Variants in CNOT3 observed in about 807,000 individuals in gnomAD.
CNOT3 encodes CCR4-associated factor 3.
CNOT3 carries 2 observed loss-of-function variants against 89.4 expected under a neutral mutation model. The ratio of observed to expected loss-of-function variants is 0.02; its 90% CI spans 0.01 to 0.07. The LOEUF is 0.07. Among genes scored for constraint, CNOT3 ranks in the 10% least tolerant of loss-of-function variants. CNOT3 has a pLI of 1.00. For synonymous variants in CNOT3, 486 were observed against 402.0 expected (o/e 1.21, Z -2.50); for missense variants, 664 against 1,010.2 (o/e 0.66, Z 4.65).
At chr19:54,140,425 G>C (rs1224407167) in intron 1 of CNOT3, among the ~76,000 whole-genome samples, 1 of 152,108 alleles carries the variant, frequency 6.6e-6, no homozygotes, top group African/African-American at 2.4e-5. Context: ...ACCTTCCTTG[G>C]AGGATCTTGG....
chr19:54,143,711 A>G lies in CNOT3; in HGVS notation c.220A>G (p.Lys74Glu). The change falls in exon 5 of 18, where the codon AAG (lysine) becomes GAG (glutamate). Residue 74 changes from lysine to glutamate, a missense_variant. Lys to Glu is a moderately conservative substitution (Grantham distance 56, BLOSUM62 1). Coordinates refer to ENST00000221232, the MANE Select transcript of CNOT3 (RefSeq NM_014516.4). ...TWVASNEIKD[K>E]RQLIDNRKLI... ...GGTAGCGTCCAACGAGATCAAGGACAAGAGGCAGCTTATAGACAACCGCAA... is the reference window on the plus strand; with the variant it reads ...GGTAGCGTCCAACGAGATCAAGGACGAGAGGCAGCTTATAGACAACCGCAA... The G allele has an allele frequency of 6.2e-7, 1 of 1,614,000 alleles. No homozygotes were observed.
intron 16 of CNOT3, 24 bp from the exon 17 acceptor site, chr19:54,153,691 C>A (rs1325574139): frequency 1.2e-6 from 2 of 1,610,218 alleles, no homozygotes; most frequent in East Asian, 4.5e-5. Flanking sequence ...CCCCTGATCC[C>A]CCTCTCCACT....
At position 54,155,478 on chromosome 19, in the gene CNOT3, C is replaced by A; in HGVS notation, c.*71C>A. On this transcript the variant is annotated 3_prime_UTR_variant, in exon 18 of 18. Coordinates refer to ENST00000221232, the MANE Select transcript of CNOT3 (RefSeq NM_014516.4). ...CCCCTGCCCAGGTGAGGGCCCTGCCCTGGAAGACTGGAGGGAGGCCCCAAG... is the reference window on the plus strand; with the variant it reads ...CCCCTGCCCAGGTGAGGGCCCTGCCATGGAAGACTGGAGGGAGGCCCCAAG... 1 of 1,096,722 alleles carries A rather than the reference C, an allele frequency of 9.1e-7. No individual in the cohort carries two copies. 67.9% of individuals were successfully genotyped at this position (1,096,722 alleles called of 1,614,324 possible). A position where few individuals can be genotyped will look rare whatever the true frequency, so the allele number is the denominator to read the frequency against.
In CNOT3 at chr19:54,144,593, G is replaced by A. The variant is rs907076180; in HGVS notation, c.483+261G>A. ...CCGTGGGGCCTTTGTGAAGAGGAGC[G>A]ACTTGGGGGAAGGTGAGTGCAGGTT... On this transcript the variant is annotated intron_variant, in intron 7 of 17. Coordinates refer to ENST00000221232, the MANE Select transcript of CNOT3 (RefSeq NM_014516.4). This position sits in a 1 kb window ranked among gnomAD's most constrained non-coding sequence, Gnocchi z 4.8. Among the ~76,000 whole-genome samples, 1 of 152,156 alleles carries A rather than the reference G, an allele frequency of 6.6e-6. No individual in the cohort carries two copies. Among genetic ancestry groups the A allele is most frequent in the East Asian group, 1.9e-4 (1 of 5,186 alleles).
At position 54,144,207 on chromosome 19, in the gene CNOT3, A is replaced by G; in HGVS notation, c.388-30A>G. ...CTGGGTGTAGGCGGAACCCTAGCTG[A>G]TGGGCTTCCTCTTCCTCTCCCTCCC... On this transcript the variant is annotated intron_variant, in intron 6 of 17. Transcript: ENST00000221232. The surrounding 1 kb of genome is among the most constrained non-coding windows in gnomAD (Gnocchi z 4.8). 2 of 1,611,968 alleles carry G rather than the reference A, an allele frequency of 1.2e-6. No individual in the cohort carries two copies. The highest frequency in any genetic ancestry group is 8.5e-7 in the Non-Finnish European group (1 of 1,179,318).
rs2074559984 is a variant in CNOT3, at chr19:54,144,022, A to G, written c.275A>G (p.Lys92Arg). 6.3e-7 allele frequency: 1 copy of G among 1,596,094 alleles called. No individual in the cohort carries two copies. Among genetic ancestry groups the G allele is most frequent in the African/African-American group, 1.4e-5 (1 of 73,374 alleles). ...KLIETQMERF[K>R]VVERETKTKA... Reference sequence around the variant, plus strand: ...TCTCTACAGCAAATGGAACGGTTCAAAGTTGTGGAACGAGAGACCAAAACC... The same window carrying G: ...TCTCTACAGCAAATGGAACGGTTCAGAGTTGTGGAACGAGAGACCAAAACC... The change falls in exon 6 of 18, where the codon AAA (lysine) becomes AGA (arginine). Residue 92 changes from lysine (K) to arginine (R), a missense_variant. Physicochemically the swap from Lys to Arg is conservative, Grantham distance 26. This residue lies in a region of CNOT3 where 27 missense variants were observed against 158.2 expected (regional missense o/e 0.17). Coordinates refer to ENST00000221232, the MANE Select transcript of CNOT3 (RefSeq NM_014516.4). The surrounding 1 kb of genome is among the most constrained non-coding windows in gnomAD (Gnocchi z 4.8).
intron 16 of CNOT3, 183 bp from the exon 17 acceptor site, chr19:54,153,532 T>C (rs1323133867): frequency 1.3e-6 from 1 of 778,930 alleles, no homozygotes; most frequent in East Asian, 2.4e-5. Flanking sequence ...CTGTCTCATT[T>C]TCCTTCTCCT....
chr19:54,146,831 G>A (rs79832574), intron 10 of CNOT3, among the ~76,000 whole-genome samples, 174 bp downstream of exon 10: 308 of 152,348 alleles, frequency 2.0e-3, no homozygotes, highest in African/African-American at 7.0e-3. Context: ...GACTGGTGCT[G>A]TGGTCAAGGG....
At position 54,145,720 on chromosome 19, in the gene CNOT3, G is replaced by A. The variant is rs952488775; in HGVS notation, c.606G>A (p.Lys202=). ...NDSILVDAIR[K]IKDDVEYYVD... ...CCATCCTCGTTGACGCCATCCGCAA[G>A]ATCAAGGACGACGTTGAGTACTATG... The change falls in exon 8 of 18, where the codon AAG becomes AAA. Residue 202 remains lysine (K), a synonymous_variant. Transcript: ENST00000221232. This position sits in a 1 kb window ranked among gnomAD's most constrained non-coding sequence, Gnocchi z 5.9. The A allele has an allele frequency of 6.2e-6, 10 of 1,613,446 alleles. No individual in the cohort carries two copies. The highest frequency in any genetic ancestry group is 8.5e-6 in the Non-Finnish European group (10 of 1,179,360).
In CNOT3 at chr19:54,144,206, G is replaced by A. The variant is rs1465371041; in HGVS notation, c.388-31G>A. Reference sequence around the variant, plus strand: ...CCTGGGTGTAGGCGGAACCCTAGCTGATGGGCTTCCTCTTCCTCTCCCTCC... The same window carrying A: ...CCTGGGTGTAGGCGGAACCCTAGCTAATGGGCTTCCTCTTCCTCTCCCTCC... On this transcript the variant is annotated intron_variant, in intron 6 of 17. Coordinates refer to ENST00000221232, the MANE Select transcript of CNOT3 (RefSeq NM_014516.4). This position sits in a 1 kb window ranked among gnomAD's most constrained non-coding sequence, Gnocchi z 4.8. 1 of 1,612,616 alleles carries A rather than the reference G, an allele frequency of 6.2e-7. No individual in the cohort carries two copies. Among genetic ancestry groups the A allele is most frequent in the Non-Finnish European group, 8.5e-7 (1 of 1,179,612 alleles).
At position 54,155,475 on chromosome 19, in the gene CNOT3, G is replaced by A. The variant is rs2075356911; in HGVS notation, c.*68G>A. ...ATCCCCCTGCCCAGGTGAGGGCCCT[G>A]CCCTGGAAGACTGGAGGGAGGCCCC... On this transcript the variant is annotated 3_prime_UTR_variant, in exon 18 of 18. Coordinates refer to ENST00000221232, the MANE Select transcript of CNOT3 (RefSeq NM_014516.4). The A allele has an allele frequency of 8.9e-7, 1 of 1,124,460 alleles. No individual in the cohort carries two copies. Among genetic ancestry groups the A allele is most frequent in the Non-Finnish European group, 1.3e-6 (1 of 781,142 alleles). 69.7% of individuals were successfully genotyped at this position (1,124,460 alleles called of 1,614,324 possible).
chr19:54,140,212 G>A (rs932489337), intron 1 of CNOT3, among the ~76,000 whole-genome samples: 1 of 152,238 alleles, frequency 6.6e-6, no homozygotes, highest in South Asian at 2.1e-4. Context: ...TGATTTTAGC[G>A]TGTTGGCTCC....
In CNOT3 at chr19:54,146,664, G is replaced by A. The variant is rs750176011; in HGVS notation, c.894+7G>A. On this transcript the variant is annotated splice_region_variant and intron_variant, in intron 10 of 17. Transcript: ENST00000221232. ...AGACAGTGAAGTCAGCCAGGTGGGT[G>A]TGAGCCTGGACCGGGTGGGCACGCC... is the stretch of plus-strand genomic sequence containing the variant. The A allele has an allele frequency of 2.0e-6, 3 of 1,503,746 alleles. No individual in the cohort carries two copies. The highest frequency in any genetic ancestry group is 2.8e-6 in the Non-Finnish European group (3 of 1,079,246). 93.2% of individuals were successfully genotyped at this position (1,503,746 alleles called of 1,614,324 possible). A position where few individuals can be genotyped will look rare whatever the true frequency, so the allele number is the denominator to read the frequency against.
intron 17 of CNOT3, chr19:54,154,943 G>T: frequency 4.2e-6 from 1 of 237,394 alleles, no homozygotes; most frequent in Non-Finnish European, 8.2e-6. Flanking sequence ...CCACTGCCTC[G>T]AGGTCTTTGT....
rs187281282 is a variant in CNOT3 at position 54,148,564 on chromosome 19, C to T, written c.1282+29C>T. The T allele has an allele frequency of 2.6e-4, 309 of 1,206,016 alleles. 1 individual carries two copies. In the African/African-American group the frequency reaches 3.5e-3, roughly 14 times the overall value. 74.7% of individuals were successfully genotyped at this position (1,206,016 alleles called of 1,614,324 possible). A position where few individuals can be genotyped will look rare whatever the true frequency, so the allele number is the denominator to read the frequency against. ...AGTGAGGAGGCAGCGGGGTGGGGGG[C>T]GTGGGCGGGGCTGGGCAGCAGGCAG... On this transcript the variant is annotated intron_variant, in intron 11 of 17. Coordinates refer to ENST00000221232, the MANE Select transcript of CNOT3 (RefSeq NM_014516.4). This position sits in a 1 kb window ranked among gnomAD's most constrained non-coding sequence, Gnocchi z 6.3.
chr19:54,142,451 C>CACACACACACACACAT (rs71195730), intron 1 of CNOT3: 1 of 239,728 alleles, frequency 4.2e-6, no homozygotes, highest in Non-Finnish European at 8.3e-6. Flanking sequence ...CACACACACA[C>CACACACACACACACAT]GCCCTTCTCT....
Position 54,148,317 on chromosome 19 carries a change from C to T in CNOT3, c.1064C>T (p.Pro355Leu), listed in dbSNP as rs587696346. 1.4e-5 allele frequency: 22 copies of T among 1,604,322 alleles called. No homozygotes were observed. In the East Asian group the frequency reaches 3.8e-4, roughly 28 times the overall value. The change falls in exon 11 of 18, where the codon CCC becomes CTC. Residue 355 changes from proline to leucine, a missense_variant. Around this residue, in one of 8 missense-constraint regions of CNOT3, gnomAD observed 545 missense variants for 566.2 expected, o/e 0.96. Coordinates refer to ENST00000221232, the MANE Select transcript of CNOT3 (RefSeq NM_014516.4). This position sits in a 1 kb window ranked among gnomAD's most constrained non-coding sequence, Gnocchi z 6.3. ...GCAGCACCCCCAAGTGCCCTGGGCCCCAAGGCCAGTCCAGCTCCCAGCCAC... is the reference window on the plus strand; with the variant it reads ...GCAGCACCCCCAAGTGCCCTGGGCCTCAAGGCCAGTCCAGCTCCCAGCCAC... ...APAAPPSALG[P>L]KASPAPSHNS...
chr19:54,142,639 G>T (rs2074498698), intron 1 of CNOT3: 1 of 508,012 alleles, frequency 2.0e-6, no homozygotes, highest in Non-Finnish European at 3.6e-6. Context: ...GTGTATTCTG[G>T]GGAGAAGGTA....
chr19:54,152,725 G>C (rs1338094918), intron 15 of CNOT3, 99 bp downstream of exon 15: 1 of 1,107,048 alleles, frequency 9.0e-7, no homozygotes, highest in Non-Finnish European at 1.4e-6. Context: ...CCAGGCCCCT[G>C]ACTTGGGCTC....
Sources: allele counts gnomAD v4.1 joint callset (sites outside exome capture counted in the v4.1 genomes callset), GRCh38; gene constraint gnomAD v4.1.1; regional missense constraint gnomAD v4.1.1; non-coding constraint Gnocchi (gnomAD v3.1); transcripts MANE v1.5; gene names NCBI Gene and HGNC (gene_info 2026-07-23, HGNC 2026-07-21).